The following CPAMD8 variants were observed in gnomAD, a reference collection of about 807,000 sequenced individuals.
The protein encoded by CPAMD8 is C3 and PZP like alpha-2-macroglobulin domain containing 8, also known as C3 and PZP-like alpha-2-macroglobulin domain-containing protein 8.
CPAMD8 carries 146 observed loss-of-function variants against 224.7 expected under a neutral mutation model. The observed-to-expected ratio is 0.65, with a 90% CI of 0.57 to 0.75. The LOEUF is 0.75. Among genes scored for constraint, CPAMD8 ranks in the 30% least tolerant of loss-of-function variants. The pLI, the probability that CPAMD8 is intolerant of heterozygous loss-of-function variation, is 0.00. For synonymous variants in CPAMD8, 966 were observed against 1,044.6 expected, an observed-to-expected ratio of 0.92 and a Z score of 1.45; for missense variants, 2,301 against 2,537.5, an observed-to-expected ratio of 0.91 and a Z score of 2.00.
At position 17,011,646 on chromosome 19, in the gene CPAMD8, C is replaced by T. The variant is rs768090697; in HGVS notation, c.379G>A (p.Gly127Ser). ...NQTSVTVDGR[G>S]ASVFIQTDKP... is the part of the protein sequence containing the mutation. ...TCCGTCTGGATGAATACAGAAGCGCCCCGGCCGTCCACGGTCACCGAGGTC... is the reference window on the plus strand; with the variant it reads ...TCCGTCTGGATGAATACAGAAGCGCTCCGGCCGTCCACGGTCACCGAGGTC... Residue 127 changes from glycine to serine, a missense_variant, in exon 4 of 42, where the codon GGC becomes AGC. Around this residue, in one of 4 missense-constraint regions of CPAMD8, gnomAD observed 283 missense variants for 340.6 expected, o/e 0.83. Coordinates refer to ENST00000443236, the MANE Select transcript of CPAMD8 (RefSeq NM_015692.5). 8 of 1,614,120 alleles carry T rather than the reference C, an allele frequency of 5.0e-6. No individual in the cohort carries two copies. The South Asian group carries it at 6.6e-5, about 13-fold the overall frequency.
In CPAMD8 at chr19:16,925,390, A is replaced by G; in HGVS notation, c.3371-18T>C. On this transcript the variant is annotated intron_variant, in intron 25 of 41. Coordinates refer to ENST00000443236, the MANE Select transcript of CPAMD8 (RefSeq NM_015692.5). Reference sequence around the variant, plus strand: ...GACGTCCCCTGGTGGGAAGGAGAAGAGAGTTGAGTTGGGGGCTGTCCCAGT... The same window carrying G: ...GACGTCCCCTGGTGGGAAGGAGAAGGGAGTTGAGTTGGGGGCTGTCCCAGT... 5 of 1,606,032 alleles carry G rather than the reference A, an allele frequency of 3.1e-6. No homozygotes were observed. Among genetic ancestry groups the G allele is most frequent in the Non-Finnish European group, 4.3e-6 (5 of 1,173,120 alleles).
intron 3 of CPAMD8, among the ~76,000 whole-genome samples, chr19:17,017,903 C>A (rs1009622457): frequency 6.6e-6 from 1 of 151,912 alleles, no homozygotes; most frequent in Admixed American, 6.6e-5. Context: ...CACGGTGGTG[C>A]ACACCTGTAA....
intron 17 of CPAMD8, 25 bp downstream of exon 17, chr19:16,975,072 G>A: frequency 6.2e-7 from 1 of 1,606,128 alleles, no homozygotes; most frequent in East Asian, 2.2e-5. Context: ...AGGGGGCAGA[G>A]GGATCTGAGA....
Position 16,904,266 on chromosome 19 carries a change from G to C in CPAMD8, c.4211C>G (p.Ser1404Cys). 4.3e-6 allele frequency: 7 copies of C among 1,613,468 alleles called. No homozygotes were observed. Among genetic ancestry groups the C allele is most frequent in the Non-Finnish European group, 5.9e-6 (7 of 1,179,978 alleles). The change falls in exon 32 of 42, where the codon TCC becomes TGC. Residue 1404 changes from serine (S) to cysteine (C), a missense_variant. Ser to Cys is a moderately radical substitution (Grantham distance 112). Coordinates refer to ENST00000443236, the MANE Select transcript of CPAMD8 (RefSeq NM_015692.5). ...GCCCCCAAGTGCATTTCGCTGCTGG[G>C]ACAGCCACTTCACCACAGGCAGGGC... Reference protein sequence around the residue: ...AAALPVVKWLSQQRNALGGFS... With the variant: ...AAALPVVKWLCQQRNALGGFS...
chr19:16,950,792 C>CGA (rs2054274847), intron 20 of CPAMD8, among the ~76,000 whole-genome samples: 1 of 89,722 alleles, frequency 1.1e-5, no homozygotes, highest in Non-Finnish European at 1.9e-5. Flanking sequence ...GACCCTGTCT[C>CGA]GAAAAAAAAA....
chr19:16,920,792 G>A (rs1012200804), intron 27 of CPAMD8, among the ~76,000 whole-genome samples: 12 of 148,994 alleles, frequency 8.1e-5, no homozygotes, highest in Middle Eastern at 3.5e-3. Context: ...GGAGATGGAG[G>A]TTGCAGTGAC....
intron 20 of CPAMD8, among the ~76,000 whole-genome samples, chr19:16,947,518 C>T (rs2054146524): frequency 6.6e-6 from 1 of 152,222 alleles, no homozygotes; most frequent in Non-Finnish European, 1.5e-5. Flanking sequence ...CTGAAGCTGC[C>T]AGTTCCAGCC....
intron 23 of CPAMD8, among the ~76,000 whole-genome samples, chr19:16,938,024 T>G: frequency 6.6e-6 from 1 of 152,202 alleles, no homozygotes; most frequent in East Asian, 1.9e-4. Flanking sequence ...TGACTTCAAA[T>G]GATCCACCTT....
At chr19:17,026,250 A>T (rs1442148150) in intron 1 of CPAMD8, among the ~76,000 whole-genome samples, 2 of 151,894 alleles carry the variant, frequency 1.3e-5, no homozygotes, top group African/African-American at 4.8e-5. Flanking sequence ...TTACCTTCAT[A>T]CCTTGGACAA....
chr19:16,965,878 G>A lies in CPAMD8; in HGVS notation c.2213+5013C>T, dbSNP rs975128834. ...AAATGGAAGAACATTCCATGCTAAC[G>A]GATAGGAAGAATCAATATAGTTAAA... On this transcript the variant is annotated intron_variant, in intron 18 of 41. Coordinates refer to ENST00000443236, the MANE Select transcript of CPAMD8 (RefSeq NM_015692.5). Among the ~76,000 whole-genome samples, 8 of 152,088 alleles carry A rather than the reference G, an allele frequency of 5.3e-5. No homozygotes were observed. The South Asian group carries it at 1.2e-3, about 24-fold the overall frequency.
At chr19:16,902,981 A>G (rs2052324578) in intron 34 of CPAMD8, 118 bp from the exon 35 acceptor site, 1 of 636,006 alleles carries the variant, frequency 1.6e-6, no homozygotes, top group African/African-American at 1.8e-5. Context: ...GGACAATGAC[A>G]TCCATGACAG....
chr19:17,021,180 G>T (rs1031919301), intron 2 of CPAMD8, among the ~76,000 whole-genome samples: 2 of 152,196 alleles, frequency 1.3e-5, no homozygotes, highest in East Asian at 3.9e-4. Flanking sequence ...CTTAAGGAGA[G>T]ACCTGGTTGC....
chr19:16,939,900 G>C (rs2122161136), intron 22 of CPAMD8, among the ~76,000 whole-genome samples: 1 of 151,532 alleles, frequency 6.6e-6, no homozygotes, highest in African/African-American at 2.4e-5. Flanking sequence ...TGTTGTTTTG[G>C]GTTTTTTTTG....
rs1274817974 is a variant in CPAMD8, at chr19:16,970,834, C to A, written c.2213+57G>T. On this transcript the variant is annotated intron_variant, in intron 18 of 41. Transcript: ENST00000443236. ...AGCAGCCAGGAAGGACAAAGACAAG[C>A]CCCAGATGTTAATAGGACCAGGGTT... 3.9e-6 allele frequency: 6 copies of A among 1,534,192 alleles called. No homozygotes were observed. The East Asian group carries it at 1.1e-4, about 29-fold the overall frequency.
At chr19:17,006,380 G>A (rs2056492104) in intron 7 of CPAMD8, among the ~76,000 whole-genome samples, 1 of 152,138 alleles carries the variant, frequency 6.6e-6, no homozygotes, top group Non-Finnish European at 1.5e-5. Context: ...AAAATTAGCT[G>A]GGCTTGGTGG....
intron 3 of CPAMD8, among the ~76,000 whole-genome samples, chr19:17,011,967 G>A (rs1028692911): frequency 2.0e-5 from 3 of 152,144 alleles, no homozygotes; most frequent in Non-Finnish European, 4.4e-5. Flanking sequence ...GGAATAGAGA[G>A]GCTGCTCAAC....
intron 20 of CPAMD8, among the ~76,000 whole-genome samples, chr19:16,950,699 G>C (rs926751348): frequency 6.6e-6 from 1 of 151,476 alleles, no homozygotes; most frequent in Non-Finnish European, 1.5e-5. Flanking sequence ...AGGCTGAGGA[G>C]GGGGGATTGC....
intron 16 of CPAMD8, among the ~76,000 whole-genome samples, chr19:16,975,658 T>A (rs1199082647): frequency 6.6e-6 from 1 of 152,106 alleles, no homozygotes; most frequent in African/African-American, 2.4e-5. Context: ...CAGTGAGCTA[T>A]GATCACGCCA....
chr19:16,984,033 C>G (rs1357947835), intron 13 of CPAMD8, among the ~76,000 whole-genome samples: 1 of 152,020 alleles, frequency 6.6e-6, no homozygotes, highest in Non-Finnish European at 1.5e-5. Flanking sequence ...AAGTGAGAGC[C>G]CTGAAATGAA....
Sources: gnomAD v4.1 joint callset for allele counts (sites outside exome capture counted in the v4.1 genomes callset) on GRCh38, gnomAD v4.1.1 for gene constraint, gnomAD v4.1.1 regional missense constraint, MANE v1.5 for transcripts, NCBI Gene and HGNC (gene_info 2026-07-23, HGNC 2026-07-21) for gene names.